Variants in PPARA observed in about 807,000 individuals in gnomAD.
PPARA encodes peroxisome proliferator activated receptor alpha, also known as peroxisome proliferator-activated receptor alpha.
A neutral mutation model predicts 42.2 loss-of-function variants in PPARA; 22 were observed. That is an observed-to-expected ratio of 0.52 (90% CI 0.37 to 0.74). PPARA has a LOEUF of 0.74. Among genes scored for constraint, PPARA ranks in the 30% least tolerant of loss-of-function variants. The probability of loss-of-function intolerance (pLI) is 0.00; values close to 1 mark genes in which losing one functional copy is unlikely to be tolerated. For synonymous variants in PPARA, 242 were observed against 239.3 expected (o/e 1.01, Z -0.10); for missense variants, 465 against 608.2 (o/e 0.76, Z 2.48).
chr22:46,237,010 T>A lies in PPARA; in HGVS notation c.*1630T>A, dbSNP rs1936236749. ...TTTCTCTCTCTGTCCACCTGGTAGA[T>A]AAATTGTCCTGTTGAGAATTTTTAG... On this transcript the variant is annotated 3_prime_UTR_variant, in exon 9 of 9. Coordinates refer to ENST00000407236, the MANE Select transcript of PPARA (RefSeq NM_005036.6). This position sits in a 1 kb window ranked among gnomAD's most constrained non-coding sequence, Gnocchi z 6.7. 1 of 152,212 alleles carries A rather than the reference T, an allele frequency of 6.6e-6. No homozygotes were observed. The highest frequency in any genetic ancestry group is 2.1e-4 in the South Asian group (1 of 4,830). 9.4% of individuals were successfully genotyped at this position (152,212 alleles called of 1,614,324 possible). A position where few individuals can be genotyped will look rare whatever the true frequency, so the allele number is the denominator to read the frequency against.
rs59223524 is a variant in PPARA, at chr22:46,195,948, G to A, written c.-42-2394G>A. Among the ~76,000 whole-genome samples, 13,203 of 152,296 alleles carry A rather than the reference G, an allele frequency of 0.087. 605 individuals are homozygous for A. Among genetic ancestry groups the A allele is most frequent in the Middle Eastern group, 0.11 (31 of 294 alleles). ...TTCAGGGAGGTGGACCCGAGGCAGAGCCTCTAGAAGGCAGCGGTGGGCAGG... is the reference window on the plus strand; with the variant it reads ...TTCAGGGAGGTGGACCCGAGGCAGAACCTCTAGAAGGCAGCGGTGGGCAGG... On this transcript the variant is annotated intron_variant, in intron 3 of 8. Coordinates refer to ENST00000407236, the MANE Select transcript of PPARA (RefSeq NM_005036.6). The surrounding 1 kb of genome is among the most constrained non-coding windows in gnomAD (Gnocchi z 4.6).
chr22:46,151,631 G>A (rs1924448415), intron 1 of PPARA, among the ~76,000 whole-genome samples: 1 of 152,242 alleles, frequency 6.6e-6, no homozygotes, highest in Admixed American at 6.5e-5. Flanking sequence ...GGACCTCCGG[G>A]GCTGCACGCC....
chr22:46,174,156 A>G (rs1046527507), intron 2 of PPARA, among the ~76,000 whole-genome samples: 5 of 150,336 alleles, frequency 3.3e-5, no homozygotes, highest in African/African-American at 1.2e-4. Flanking sequence ...GCAGCCTGGC[A>G]ACAGAGCAAG....
chr22:46,204,011 G>A lies in PPARA; in HGVS notation c.208+5420G>A, dbSNP rs11090791. On this transcript the variant is annotated intron_variant, in intron 4 of 8. Coordinates refer to ENST00000407236, the MANE Select transcript of PPARA (RefSeq NM_005036.6). This position sits in a 1 kb window ranked among gnomAD's most constrained non-coding sequence, Gnocchi z 5.2. ...TTCTAATTCCTCTTTCCCCAGCCCC[G>A]TGCCTCCCTGCCTCCCTCCCCCAGT... Among the ~76,000 whole-genome samples, 5,965 of 152,154 alleles carry A rather than the reference G, an allele frequency of 0.039. 342 individuals carry two copies. Among genetic ancestry groups the A allele is most frequent in the African/African-American group, 0.13 (5,195 of 41,498 alleles).
rs143128808 is a variant in PPARA, at chr22:46,182,463, A to G, written c.-43+5627A>G. Reference sequence around the variant, plus strand: ...GTAAAAGAAGACAGGAAAAATAAGTATAATACATACTGCTTGATTCTATTT... The same window carrying G: ...GTAAAAGAAGACAGGAAAAATAAGTGTAATACATACTGCTTGATTCTATTT... On this transcript the variant is annotated intron_variant, in intron 3 of 8. Transcript: ENST00000407236. This position sits in a 1 kb window ranked among gnomAD's most constrained non-coding sequence, Gnocchi z 5.2. 2.4e-4 allele frequency among the ~76,000 whole-genome samples: 37 copies of G among 152,344 alleles called. 1 individual carries two copies. The East Asian group carries it at 6.9e-3, about 29-fold the overall frequency.
At chr22:46,185,915 AAATATATATATATATATAT>A (rs1569207599) in intron 3 of PPARA, among the ~76,000 whole-genome samples, 2 of 47,142 alleles carry the variant, frequency 4.2e-5, no homozygotes, top group African/African-American at 2.2e-4. Flanking sequence ...AAAAAAAAAA[AAATATATATATATATATAT>A]ATATATATAT....
At chr22:46,186,870 T>C (rs1002133771) in intron 3 of PPARA, among the ~76,000 whole-genome samples, 1 of 152,200 alleles carries the variant, frequency 6.6e-6, no homozygotes, top group Non-Finnish European at 1.5e-5. Flanking sequence ...GTTTTTTCCC[T>C]GTATATGCAT....
At chr22:46,168,465 A>G (rs1479086969) in intron 2 of PPARA, among the ~76,000 whole-genome samples, 1 of 151,830 alleles carries the variant, frequency 6.6e-6, no homozygotes, top group African/African-American at 2.4e-5. Context: ...AACACTTAAT[A>G]AAATGAAAAG....
chr22:46,152,432 C>G (rs1373986666), intron 2 of PPARA, among the ~76,000 whole-genome samples: 2 of 152,060 alleles, frequency 1.3e-5, no homozygotes, highest in Non-Finnish European at 2.9e-5. Context: ...CGTGCCTGGC[C>G]TAGGATTCAC....
Position 46,215,285 on chromosome 22 carries a change from C to A in PPARA, c.321C>A (p.Asp107Glu), listed in dbSNP as rs774557843. Residue 107 changes from aspartate to glutamate, a missense_variant, in exon 5 of 9, where the codon GAC becomes GAA. Asp to Glu is a conservative substitution (Grantham distance 45, BLOSUM62 2). Coordinates refer to ENST00000407236, the MANE Select transcript of PPARA (RefSeq NM_005036.6). Reference sequence around the variant, plus strand: ...ACATCGAATGTAGAATCTGCGGGGACAAGGCCTCAGGCTATCATTACGGAG... The same window carrying A: ...ACATCGAATGTAGAATCTGCGGGGAAAAGGCCTCAGGCTATCATTACGGAG... ...ALNIECRICG[D>E]KASGYHYGVH... 6.2e-7 allele frequency: 1 copy of A among 1,614,174 alleles called. No homozygotes were observed. Among genetic ancestry groups the A allele is most frequent in the Non-Finnish European group, 8.5e-7 (1 of 1,180,032 alleles).
At chr22:46,208,622 A>G (rs1164710465) in intron 4 of PPARA, among the ~76,000 whole-genome samples, 1 of 151,968 alleles carries the variant, frequency 6.6e-6, no homozygotes, top group African/African-American at 2.4e-5. Context: ...TATGGTCACC[A>G]TAGTGGGTAG....
At chr22:46,215,450 A>G (rs1165602300) in intron 5 of PPARA, 117 bp downstream of exon 5, 3 of 1,385,938 alleles carry the variant, frequency 2.2e-6, no homozygotes, top group Non-Finnish European at 3.0e-6. Flanking sequence ...TAAGAAACTG[A>G]CTTCAGGCCA....
chr22:46,185,108 T>G (rs1930482806), intron 3 of PPARA, among the ~76,000 whole-genome samples: 1 of 152,168 alleles, frequency 6.6e-6, no homozygotes, highest in South Asian at 2.1e-4. Flanking sequence ...TGTTCTTGCT[T>G]CCTGCTCTTC....
chr22:46,168,786 G>A (rs4253650), intron 2 of PPARA, among the ~76,000 whole-genome samples: 7,256 of 152,056 alleles, frequency 0.048, 258 homozygotes, highest in African/African-American at 0.075. Flanking sequence ...GTCTGACCAA[G>A]TATGCGTAAG....
chr22:46,165,236 A>G lies in PPARA; in HGVS notation c.-126-11517A>G, dbSNP rs5769177. The stretch of plus-strand genomic sequence containing the variant: ...TTTTTAGTAGAGATGGGATTTGGCC[A>G]TGTCAGCCAGGCTGGCCTCAAACTC... On this transcript the variant is annotated intron_variant, in intron 2 of 8. Transcript: ENST00000407236. The surrounding 1 kb of genome is among the most constrained non-coding windows in gnomAD (Gnocchi z 5.5). 40,996 of 152,100 alleles carry G rather than the reference A, an allele frequency of 0.27. 8,652 individuals carry two copies. Among genetic ancestry groups the G allele is most frequent in the African/African-American group, 0.6 (24,681 of 41,434 alleles). 9.4% of individuals were successfully genotyped at this position (152,100 alleles called of 1,614,324 possible).
rs966994888 is a variant in PPARA at position 46,221,356 on chromosome 22, C to A, written c.711+1342C>A. Among the ~76,000 whole-genome samples, 2 of 152,226 alleles carry A rather than the reference C, an allele frequency of 1.3e-5. No individual in the cohort carries two copies. Among genetic ancestry groups the A allele is most frequent in the Non-Finnish European group, 2.9e-5 (2 of 68,042 alleles). ...GTGGGGACACAGAGCCAAACCATAT[C>A]ATAAGGCTAGAAAAGGAAACCACTT... is the stretch of plus-strand genomic sequence containing the variant. On this transcript the variant is annotated intron_variant, in intron 7 of 8. Transcript: ENST00000407236. The surrounding 1 kb of genome is among the most constrained non-coding windows in gnomAD (Gnocchi z 5.9).
chr22:46,179,484 A>C (rs1011829390), intron 3 of PPARA, among the ~76,000 whole-genome samples: 7 of 152,200 alleles, frequency 4.6e-5, no homozygotes, highest in Non-Finnish European at 7.3e-5. Flanking sequence ...CTTTTCAATA[A>C]ATGGTGCTGG....
chr22:46,185,683 T>C (rs1211634989), intron 3 of PPARA, among the ~76,000 whole-genome samples: 1 of 150,604 alleles, frequency 6.6e-6, no homozygotes, highest in African/African-American at 2.4e-5. Context: ...TCACCTGAGG[T>C]CAGGAGTTCA....
In PPARA at chr22:46,182,797, T is replaced by C. The variant is rs912614233; in HGVS notation, c.-43+5961T>C. 6.6e-6 allele frequency among the ~76,000 whole-genome samples: 1 copy of C among 152,138 alleles called. No homozygotes were observed. The highest frequency in any genetic ancestry group is 1.5e-5 in the Non-Finnish European group (1 of 68,018). On this transcript the variant is annotated intron_variant, in intron 3 of 8. Transcript: ENST00000407236. The surrounding 1 kb of genome is among the most constrained non-coding windows in gnomAD (Gnocchi z 5.2). ...TCTCGCTCCATCGTCCAGGCTGGAG[T>C]GCAATGGCACCGTCTCAGAGCACTG...
Sources: allele counts gnomAD v4.1 joint callset (sites outside exome capture counted in the v4.1 genomes callset), GRCh38; gene constraint gnomAD v4.1.1; non-coding constraint Gnocchi (gnomAD v3.1); transcripts MANE v1.5; gene names NCBI Gene and HGNC (gene_info 2026-07-23, HGNC 2026-07-21).